Variants in USP43 observed in about 807,000 individuals in gnomAD.
The protein encoded by USP43 is ubiquitin carboxyl-terminal hydrolase 43.
In USP43, 33 loss-of-function variants were observed where a neutral mutation model predicts 90.7. The ratio of observed to expected loss-of-function variants is 0.36; its 90% confidence interval spans 0.28 to 0.49. USP43 has a LOEUF of 0.49. USP43 is among the 20% of genes least tolerant of loss of function. USP43 has a pLI of 0.98. For synonymous variants in USP43, 598 were observed against 615.8 expected (o/e 0.97, Z 0.43); for missense variants, 1,274 against 1,476.4 (o/e 0.86, Z 2.25).
chr17:9,700,566 G>A (rs1011864545), intron 10 of USP43, among the ~76,000 whole-genome samples: 1 of 152,166 alleles, frequency 6.6e-6, no homozygotes, highest in Non-Finnish European at 1.5e-5. Context: ...TGTGTGTATA[G>A]GGGATTTATT....
intron 8 of USP43, among the ~76,000 whole-genome samples, chr17:9,688,651 A>G (rs1331108882): frequency 6.6e-6 from 1 of 151,764 alleles, no homozygotes; most frequent in Non-Finnish European, 1.5e-5. Flanking sequence ...ACCCAGCCAC[A>G]CCTGTACTTT....
intron 14 of USP43, among the ~76,000 whole-genome samples, chr17:9,727,417 A>G (rs978620261): frequency 1.3e-5 from 2 of 152,212 alleles, no homozygotes; most frequent in Admixed American, 6.5e-5. Context: ...ACATGCATGC[A>G]TAATACATGC....
intron 9 of USP43, among the ~76,000 whole-genome samples, chr17:9,699,957 G>A (rs1189939844): frequency 6.6e-6 from 1 of 152,208 alleles, no homozygotes; most frequent in Non-Finnish European, 1.5e-5. Context: ...CCATGGGAAT[G>A]AGGGGAGGCA....
chr17:9,686,806 C>A lies in USP43; in HGVS notation c.1250C>A (p.Pro417Gln). Residue 417 changes from proline (P) to glutamine (Q), a missense_variant, in exon 8 of 15, where the codon CCA (proline) becomes CAA (glutamine). By Grantham distance (76) the Pro-to-Gln change is moderately conservative. This residue lies in a region of USP43 where 253 missense variants were observed against 276.0 expected (regional missense o/e 0.92). Transcript: ENST00000285199. The surrounding 1 kb of genome is among the most constrained non-coding windows in gnomAD (Gnocchi z 5.5). The stretch of plus-strand genomic sequence containing the variant: ...TTTCCTTGGATTTTCAGGTTTGGGC[C>A]ACCCTTCCTGATAAGGGAAGACAGA... ...GSGQQASRFG[P>Q]PFLIREDRAV... The A allele has an allele frequency of 1.2e-6, 2 of 1,613,868 alleles. No individual in the cohort carries two copies. Among genetic ancestry groups the A allele is most frequent in the Non-Finnish European group, 1.7e-6 (2 of 1,179,820 alleles).
At position 9,666,731 on chromosome 17, in the gene USP43, C is replaced by A; in HGVS notation, c.720C>A (p.Ser240Arg). ...CTCTAGGTCAAAGCTTTGTGCAAAGCCACTTTCAAGCACAATATAGGTAAG... is the reference window on the plus strand; with the variant it reads ...CTCTAGGTCAAAGCTTTGTGCAAAGACACTTTCAAGCACAATATAGGTAAG... ...QLPLGQSFVQ[S>R]HFQAQYRSSL... The change falls in exon 3 of 15, where the codon AGC (serine) becomes AGA (arginine). Residue 240 changes from serine (S) to arginine (R), a missense_variant. Coordinates refer to ENST00000285199, the MANE Select transcript of USP43 (RefSeq NM_153210.5). 6.2e-7 allele frequency: 1 copy of A among 1,612,748 alleles called. No homozygotes were observed. The highest frequency in any genetic ancestry group is 8.5e-7 in the Non-Finnish European group (1 of 1,179,394).
At chr17:9,681,335 A>AAT (rs539711623) in intron 6 of USP43, among the ~76,000 whole-genome samples, 11 of 114,700 alleles carry the variant, frequency 9.6e-5, no homozygotes, top group South Asian at 4.8e-4. Flanking sequence ...TATATAAATA[A>AAT]ATATATATAT....
At chr17:9,680,958 AT>A (rs1914129103) in intron 6 of USP43, among the ~76,000 whole-genome samples, 1 of 146,374 alleles carries the variant, frequency 6.8e-6, no homozygotes, top group Non-Finnish European at 1.5e-5. Context: ...ATCAGGATAC[AT>A]TTTGGCCAAG....
chr17:9,721,026 G>A (rs1314882646), intron 14 of USP43, among the ~76,000 whole-genome samples: 2 of 152,112 alleles, frequency 1.3e-5, no homozygotes, highest in African/African-American at 4.8e-5. Flanking sequence ...CAAAATGAAC[G>A]GATCCAAGTG....
intron 9 of USP43, among the ~76,000 whole-genome samples, chr17:9,694,393 C>G (rs1397972747): frequency 2.0e-5 from 3 of 152,156 alleles, no homozygotes; most frequent in Non-Finnish European, 2.9e-5. Context: ...AGCCCCTTCC[C>G]ACACTCAGTC....
intron 7 of USP43, among the ~76,000 whole-genome samples, chr17:9,685,463 C>T (rs1052429835): frequency 6.6e-6 from 1 of 152,214 alleles, no homozygotes; most frequent in Non-Finnish European, 1.5e-5. Flanking sequence ...CTCTGCCTTG[C>T]CTTCCCCTGG....
Position 9,693,217 on chromosome 17 carries a change from T to C in USP43, c.1444T>C (p.Trp482Arg), listed in dbSNP as rs1476024450. ...GAAGGACAGTCGGCCCCTCTGTCAC[T>C]GGGCAGTTGACAGGTAAGGGGGAAG... The part of the protein sequence containing the change: ...SPKDSRPLCH[W>R]AVDRVLHLRR... Residue 482 changes from tryptophan to arginine, a missense_variant, in exon 9 of 15, where the codon TGG (tryptophan) becomes CGG (arginine). Trp to Arg is a moderately radical substitution (Grantham distance 101). Coordinates refer to ENST00000285199, the MANE Select transcript of USP43 (RefSeq NM_153210.5). 5 of 1,612,726 alleles carry C rather than the reference T, an allele frequency of 3.1e-6. No individual in the cohort carries two copies. The highest frequency in any genetic ancestry group is 4.2e-6 in the Non-Finnish European group (5 of 1,179,400).
intron 1 of USP43, chr17:9,647,170 G>C (rs1388960433): frequency 1.3e-5 from 2 of 152,092 alleles, no homozygotes; most frequent in African/African-American, 4.8e-5. Flanking sequence ...TGTTCTTGGG[G>C]GAGGGGGAAA....
intron 1 of USP43, among the ~76,000 whole-genome samples, chr17:9,648,242 A>C (rs1911595102): frequency 6.6e-6 from 1 of 152,178 alleles, no homozygotes. Flanking sequence ...TGGAGGGAGG[A>C]GTGGAGGATC....
At chr17:9,698,744 A>G (rs970321226) in intron 9 of USP43, among the ~76,000 whole-genome samples, 1 of 152,158 alleles carries the variant, frequency 6.6e-6, no homozygotes, top group African/African-American at 2.4e-5. Context: ...ACCAGTTTTC[A>G]TTTTCCACTC....
intron 3 of USP43, 106 bp downstream of exon 3, chr17:9,666,857 A>T: frequency 1.2e-6 from 1 of 856,162 alleles, no homozygotes; most frequent in Non-Finnish European, 1.9e-6. Flanking sequence ...TCAAAACAAC[A>T]AAACCACAAA....
rs897342577 is a variant in USP43 at position 9,705,265 on chromosome 17, A to G, written c.2011+3565A>G. Among the ~76,000 whole-genome samples the G allele has an allele frequency of 3.4e-5, 5 of 148,140 alleles. No homozygotes were observed. In the East Asian group the frequency reaches 9.8e-4, roughly 29 times the overall value. Reference sequence around the variant, plus strand: ...CTTCCCACCCCCTAATTTAAGTAAAAGTACTATTTACTGTGTTGCACCTGG... The same window carrying G: ...CTTCCCACCCCCTAATTTAAGTAAAGGTACTATTTACTGTGTTGCACCTGG... On this transcript the variant is annotated intron_variant, in intron 12 of 14. Transcript: ENST00000285199.
In USP43 at chr17:9,651,482, T is replaced by A. The variant is rs866779816; in HGVS notation, c.505-4921T>A. Among the ~76,000 whole-genome samples, 48 of 152,342 alleles carry A rather than the reference T, an allele frequency of 3.2e-4. 1 individual carries two copies. Among genetic ancestry groups the A allele is most frequent in the Middle Eastern group, 6.8e-3 (2 of 294 alleles). The stretch of plus-strand genomic sequence containing the variant: ...GTTCTTATGCATCTATCTATTCTGC[T>A]TTGGTCTCAATGTTTTTATGTTTCT... On this transcript the variant is annotated intron_variant, in intron 1 of 14. Coordinates refer to ENST00000285199, the MANE Select transcript of USP43 (RefSeq NM_153210.5).
chr17:9,693,117 G>T lies in USP43; in HGVS notation c.1354-10G>T. The stretch of plus-strand genomic sequence containing the variant: ...TACGTAATGATCCATGTCTGTTTTT[G>T]TCTTCGCAGAACCTGGGGTCTCTGT... On this transcript the variant is annotated splice_polypyrimidine_tract_variant and intron_variant, in intron 8 of 14. Coordinates refer to ENST00000285199, the MANE Select transcript of USP43 (RefSeq NM_153210.5). 3 of 1,611,420 alleles carry T rather than the reference G, an allele frequency of 1.9e-6. No individual in the cohort carries two copies. Among genetic ancestry groups the T allele is most frequent in the Non-Finnish European group, 2.5e-6 (3 of 1,178,466 alleles).
chr17:9,693,655 G>A (rs1484768807), intron 9 of USP43, among the ~76,000 whole-genome samples: 1 of 152,048 alleles, frequency 6.6e-6, no homozygotes, highest in Non-Finnish European at 1.5e-5. Flanking sequence ...GGCCAACATG[G>A]TGAAACCCCA....
Sources: gnomAD v4.1 joint callset for allele counts (sites outside exome capture counted in the v4.1 genomes callset) on GRCh38, gnomAD v4.1.1 for gene constraint, gnomAD v4.1.1 regional missense constraint, Gnocchi (gnomAD v3.1) non-coding constraint, MANE v1.5 for transcripts, NCBI Gene and HGNC (gene_info 2026-07-23, HGNC 2026-07-21) for gene names.